IFFO2: variants seen among roughly 807,000 people sequenced by gnomAD.
IFFO2 encodes the protein intermediate filament family orphan 2.
Under a neutral mutation model 53.5 loss-of-function variants are expected in IFFO2, and 19 were observed. The observed-to-expected ratio is 0.36, with a 90% CI of 0.25 to 0.52. The LOEUF (loss-of-function observed/expected upper bound fraction) is 0.52, where lower values mean the gene tolerates loss of function less well. Ranked by LOEUF, IFFO2 falls within the 20% of genes least tolerant of loss-of-function variation. The pLI, the probability that IFFO2 is intolerant of heterozygous loss-of-function variation, is 0.94. For missense variants in IFFO2, 570 were observed against 727.4 expected (o/e 0.78, Z 2.49); for synonymous variants, 303 against 313.6 (o/e 0.97, Z 0.36).
chr1:18,929,472 C>G (rs1201472018), intron 1 of IFFO2, among the ~76,000 whole-genome samples: 1 of 152,190 alleles, frequency 6.6e-6, no homozygotes, highest in Non-Finnish European at 1.5e-5. Flanking sequence ...AATCGAGTTG[C>G]TAAGGAGTTT....
At chr1:18,913,864 G>GCT (rs1199176104) in intron 5 of IFFO2, among the ~76,000 whole-genome samples, 11 of 152,230 alleles carry the variant, frequency 7.2e-5, no homozygotes, top group Middle Eastern at 3.4e-3. Context: ...ACGGAGTCTC[G>GCT]CTGTCGCCCA....
intron 5 of IFFO2, among the ~76,000 whole-genome samples, chr1:18,913,983 CA>C (rs750825341): frequency 4.6e-5 from 7 of 151,052 alleles, no homozygotes; most frequent in South Asian, 4.2e-4. Context: ...AGGCGCCCGC[CA>C]CCACGCCCGG....
At chr1:18,923,304 C>T (rs1359422702) in intron 1 of IFFO2, among the ~76,000 whole-genome samples, 4 of 152,266 alleles carry the variant, frequency 2.6e-5, no homozygotes, top group Non-Finnish European at 5.9e-5. Context: ...GCACCCCTCA[C>T]TTCTCCTTTG....
At chr1:18,930,319 C>T (rs369284290) in intron 1 of IFFO2, among the ~76,000 whole-genome samples, 7 of 152,270 alleles carry the variant, frequency 4.6e-5, no homozygotes, top group African/African-American at 1.7e-4. Context: ...TGGACCACAT[C>T]GTAAGTGAGG....
intron 1 of IFFO2, among the ~76,000 whole-genome samples, chr1:18,924,229 ATG>A (rs539954450): frequency 6.6e-6 from 1 of 152,170 alleles, no homozygotes; most frequent in South Asian, 2.1e-4. Context: ...CAGGTGGGCG[ATG>A]TGTTTCTTAC....
rs1936195387 is a variant in IFFO2, at chr1:18,919,999, T to C, written c.727-226A>G. The stretch of plus-strand genomic sequence containing the variant: ...GTTATCTATTACGTGGGAAAATCCA[T>C]GGAAGGTATTAAAAGAGCAGGTTAA... On this transcript the variant is annotated intron_variant, in intron 2 of 8. Transcript: ENST00000455833. The surrounding 1 kb of genome is among the most constrained non-coding windows in gnomAD (Gnocchi z 4.9). Among the ~76,000 whole-genome samples, 2 of 152,206 alleles carry C rather than the reference T, an allele frequency of 1.3e-5. No homozygotes were observed. Among genetic ancestry groups the C allele is most frequent in the African/African-American group, 4.8e-5 (2 of 41,446 alleles).
intron 1 of IFFO2, among the ~76,000 whole-genome samples, chr1:18,940,315 T>C (rs1488847274): frequency 6.6e-6 from 1 of 152,204 alleles, no homozygotes; most frequent in Admixed American, 6.5e-5. Flanking sequence ...GACCTGACTT[T>C]GAGCCCTAGC....
intron 1 of IFFO2, among the ~76,000 whole-genome samples, chr1:18,927,078 G>T (rs1936310904): frequency 6.6e-6 from 1 of 152,178 alleles, no homozygotes; most frequent in Non-Finnish European, 1.5e-5. Flanking sequence ...TGTCCCCTCT[G>T]TGAGTTGGGA....
intron 1 of IFFO2, among the ~76,000 whole-genome samples, chr1:18,934,998 A>G (rs1936426359): frequency 6.6e-6 from 1 of 152,162 alleles, no homozygotes; most frequent in African/African-American, 2.4e-5. Context: ...AGATGTAGAA[A>G]AGGCTTTTGT....
rs750641733 is a variant in IFFO2 at position 18,947,070 on chromosome 1, G to T, written c.665+8598C>A. 6.6e-6 allele frequency among the ~76,000 whole-genome samples: 1 copy of T among 151,942 alleles called. No homozygotes were observed. The highest frequency in any genetic ancestry group is 1.5e-5 in the Non-Finnish European group (1 of 67,966). On this transcript the variant is annotated intron_variant, in intron 1 of 8. Coordinates refer to ENST00000455833, the MANE Select transcript of IFFO2 (RefSeq NM_001136265.2). The surrounding 1 kb of genome is among the most constrained non-coding windows in gnomAD (Gnocchi z 5.0). Reference sequence around the variant, plus strand: ...TCTCGAGGGCAGGGGCCTGGCCCACGGTGGGTACTCAGCCACTGTTCTGAA... The same window carrying T: ...TCTCGAGGGCAGGGGCCTGGCCCACTGTGGGTACTCAGCCACTGTTCTGAA...
intron 1 of IFFO2, among the ~76,000 whole-genome samples, chr1:18,935,593 C>A (rs1936437548): frequency 6.6e-6 from 1 of 152,162 alleles, no homozygotes; most frequent in Non-Finnish European, 1.5e-5. Flanking sequence ...GGGTCAAGTG[C>A]CACTATTCTG....
chr1:18,948,630 GC>G (rs1356275064), intron 1 of IFFO2, among the ~76,000 whole-genome samples: 2 of 152,218 alleles, frequency 1.3e-5, no homozygotes, highest in African/African-American at 4.8e-5. Context: ...GCAGGCGGCG[GC>G]AACATCACAA....
chr1:18,914,879 T>TG (rs1196469326), intron 5 of IFFO2, among the ~76,000 whole-genome samples: 2 of 148,006 alleles, frequency 1.4e-5, no homozygotes, highest in Non-Finnish European at 3.0e-5. Context: ...GAATATGAGA[T>TG]GGGGGGTATC....
At position 18,947,844 on chromosome 1, in the gene IFFO2, G is replaced by A. The variant is rs574440473; in HGVS notation, c.665+7824C>T. Among the ~76,000 whole-genome samples the A allele has an allele frequency of 3.2e-4, 49 of 152,330 alleles. No homozygotes were observed. The East Asian group carries it at 6.4e-3, about 20-fold the overall frequency. The stretch of plus-strand genomic sequence containing the variant: ...GCAGCCGCCTCCTATTCTGCCACCC[G>A]CCATGGCAATATTGTGACAGGTGCT... On this transcript the variant is annotated intron_variant, in intron 1 of 8. Coordinates refer to ENST00000455833, the MANE Select transcript of IFFO2 (RefSeq NM_001136265.2). The surrounding 1 kb of genome is among the most constrained non-coding windows in gnomAD (Gnocchi z 5.0).
chr1:18,926,727 C>G (rs1355954075), intron 1 of IFFO2, among the ~76,000 whole-genome samples: 1 of 152,006 alleles, frequency 6.6e-6, no homozygotes, highest in African/African-American at 2.4e-5. Flanking sequence ...CAGTGCCTCC[C>G]CCTCTCCCGT....
chr1:18,922,183 A>G (rs1018977792), intron 1 of IFFO2, among the ~76,000 whole-genome samples: 2 of 152,134 alleles, frequency 1.3e-5, no homozygotes, highest in African/African-American at 4.8e-5. Context: ...CCCCTTGCGG[A>G]GCTCCTCATA....
Position 18,930,180 on chromosome 1 carries a change from A to G in IFFO2, c.666-9059T>C, listed in dbSNP as rs76394325. Among the ~76,000 whole-genome samples, 1,286 of 152,276 alleles carry G rather than the reference A, an allele frequency of 8.4e-3. 23 individuals are homozygous for G. Among genetic ancestry groups the G allele is most frequent in the African/African-American group, 0.029 (1,202 of 41,542 alleles). On this transcript the variant is annotated intron_variant, in intron 1 of 8. Coordinates refer to ENST00000455833, the MANE Select transcript of IFFO2 (RefSeq NM_001136265.2). Reference sequence around the variant, plus strand: ...GAGGGGTTTTGCCCACATTCCATGGAATAGCATATGAAAAGTGCCCAGAAT... The same window carrying G: ...GAGGGGTTTTGCCCACATTCCATGGGATAGCATATGAAAAGTGCCCAGAAT...
chr1:18,951,789 G>T (rs1365820938), intron 1 of IFFO2, among the ~76,000 whole-genome samples: 2 of 152,214 alleles, frequency 1.3e-5, no homozygotes, highest in Non-Finnish European at 2.9e-5. Flanking sequence ...CCTATGCCTG[G>T]AGCCTGGACC....
At chr1:18,910,083 G>A (rs1310040420) in intron 8 of IFFO2, among the ~76,000 whole-genome samples, 1 of 152,200 alleles carries the variant, frequency 6.6e-6, no homozygotes, top group Non-Finnish European at 1.5e-5. Flanking sequence ...CACAGAGCAG[G>A]CCTTTGGCAA....
Sources: allele counts gnomAD v4.1 joint callset (sites outside exome capture counted in the v4.1 genomes callset), GRCh38; gene constraint gnomAD v4.1.1; non-coding constraint Gnocchi (gnomAD v3.1); transcripts MANE v1.5; gene names NCBI Gene and HGNC (gene_info 2026-07-23, HGNC 2026-07-21).